The following SHOC2 variants were observed in gnomAD, a reference collection of about 807,000 sequenced individuals.
SHOC2 encodes leucine-rich repeat protein SHOC-2.
Under a neutral mutation model 50.2 loss-of-function variants are expected in SHOC2, and 4 were observed. That is an observed-to-expected ratio of 0.08 (90% confidence interval 0.04 to 0.18). The LOEUF is 0.18. Among genes scored for constraint, SHOC2 ranks in the 10% least tolerant of loss-of-function variants. The pLI, the probability that SHOC2 is intolerant of heterozygous loss-of-function variation, is 1.00. For missense variants in SHOC2, 388 were observed against 669.6 expected, an observed-to-expected ratio of 0.58 and a Z score of 4.64; for synonymous variants, 218 against 244.5, an observed-to-expected ratio of 0.89 and a Z score of 1.01.
chr10:110,981,876 T>TATTAATTTATTATACTC, intron 2 of SHOC2, among the ~76,000 whole-genome samples: 1 of 135,476 alleles, frequency 7.4e-6, no homozygotes, highest in East Asian at 2.1e-4. Flanking sequence ...ATTTATTTTT[T>TATTAATTTATTATACTC]TAAGTTTTAG....
intron 2 of SHOC2, among the ~76,000 whole-genome samples, chr10:110,978,166 T>C (rs527468195): frequency 6.6e-6 from 1 of 152,360 alleles, no homozygotes; most frequent in African/African-American, 2.4e-5. Flanking sequence ...ATGGGACTTC[T>C]GTTGTTTTCC....
chr10:110,928,091 T>A (rs1270990094), intron 1 of SHOC2, among the ~76,000 whole-genome samples: 1 of 151,862 alleles, frequency 6.6e-6, no homozygotes, highest in Non-Finnish European at 1.5e-5. Context: ...CCGAGGCGGG[T>A]GGGTCACCTG....
chr10:110,930,319 A>G (rs1846866044), intron 1 of SHOC2, among the ~76,000 whole-genome samples: 1 of 152,120 alleles, frequency 6.6e-6, no homozygotes, highest in Admixed American at 6.5e-5. Flanking sequence ...ACACACTCCT[A>G]GTCTTGTTAT....
chr10:110,935,824 G>A (rs559989144), intron 1 of SHOC2, among the ~76,000 whole-genome samples: 7 of 152,056 alleles, frequency 4.6e-5, no homozygotes, highest in East Asian at 1.9e-4. Flanking sequence ...ACTCTCTCAC[G>A]TTTTGTTGGT....
intron 4 of SHOC2, among the ~76,000 whole-genome samples, chr10:111,003,486 A>C (rs959915354): frequency 6.6e-6 from 1 of 152,202 alleles, no homozygotes; most frequent in Non-Finnish European, 1.5e-5. Context: ...CTTACTTCCT[A>C]CTAGGTATTG....
intron 2 of SHOC2, among the ~76,000 whole-genome samples, chr10:110,977,249 A>G (rs796663282): frequency 1.1e-4 from 17 of 151,868 alleles, no homozygotes; most frequent in African/African-American, 3.9e-4. Flanking sequence ...GCTTCTTTGC[A>G]TGTCTGGTAA....
At chr10:110,942,172 A>G (rs1454172968) in intron 1 of SHOC2, among the ~76,000 whole-genome samples, 4 of 152,174 alleles carry the variant, frequency 2.6e-5, no homozygotes, top group Non-Finnish European at 4.4e-5. Context: ...ATGTTGACAC[A>G]TTTTATCATA....
chr10:110,968,612 A>G lies in SHOC2; in HGVS notation c.703+3551A>G, dbSNP rs961798519. ...TAAATATATCACTTTAAATCATGCC[A>G]TCCAGTTTTTATTCAGCAGTATATT... On this transcript the variant is annotated intron_variant, in intron 2 of 8. Transcript: ENST00000369452. Among the ~76,000 whole-genome samples the G allele has an allele frequency of 2.0e-5, 3 of 151,748 alleles. No individual in the cohort carries two copies. In the East Asian group the frequency reaches 5.8e-4, roughly 29 times the overall value.
rs377667794 is a variant in SHOC2 at position 111,006,461 on chromosome 10, C to T, written c.1162-1070C>T. On this transcript the variant is annotated intron_variant, in intron 5 of 8. Transcript: ENST00000369452. ...TCTCGGCTCACTGCAAGCTCCGCCT[C>T]CCGGGTTCACGCCATTCTCCTGCCT... Among the ~76,000 whole-genome samples, 481 of 151,988 alleles carry T rather than the reference C, an allele frequency of 3.2e-3. 25 individuals carry two copies. The South Asian group carries it at 0.092, about 29-fold the overall frequency.
intron 2 of SHOC2, among the ~76,000 whole-genome samples, chr10:110,973,569 A>C (rs1847822087): frequency 6.6e-6 from 1 of 152,064 alleles, no homozygotes; most frequent in Non-Finnish European, 1.5e-5. Flanking sequence ...GAGTTGAGAC[A>C]TGTTTCTTCC....
At chr10:110,936,855 C>T (rs1227583526) in intron 1 of SHOC2, 7 of 1,355,992 alleles carry the variant, frequency 5.2e-6, no homozygotes, top group African/African-American at 2.9e-5. Flanking sequence ...TTCAGACGCA[C>T]AACCTTGAGG....
At chr10:110,994,073 A>T (rs1340648989) in intron 3 of SHOC2, among the ~76,000 whole-genome samples, 4 of 152,114 alleles carry the variant, frequency 2.6e-5, no homozygotes, top group Non-Finnish European at 5.9e-5. Context: ...GAAAGCAGTG[A>T]TGTAAAGGAG....
intron 2 of SHOC2, 140 bp from the exon 3 acceptor site, chr10:110,985,488 A>T: frequency 1.7e-6 from 1 of 572,380 alleles, no homozygotes; most frequent in South Asian, 2.8e-5. Context: ...AAAATTTTAA[A>T]ATAAAAGTTG....
At chr10:110,941,027 G>A (rs973569120) in intron 1 of SHOC2, among the ~76,000 whole-genome samples, 3 of 145,834 alleles carry the variant, frequency 2.1e-5, no homozygotes, top group Admixed American at 7.0e-5. Context: ...CATGTCCTGC[G>A]CTCAAGCAGT....
At chr10:110,990,348 C>T (rs1273371640) in intron 3 of SHOC2, among the ~76,000 whole-genome samples, 1 of 150,366 alleles carries the variant, frequency 6.7e-6, no homozygotes, top group African/African-American at 2.5e-5. Flanking sequence ...TATCTAGGTG[C>T]TCTGGTGGGG....
chr10:110,942,428 G>T (rs1847165583), intron 1 of SHOC2, among the ~76,000 whole-genome samples: 1 of 152,070 alleles, frequency 6.6e-6, no homozygotes, highest in Admixed American at 6.5e-5. Context: ...GCTCACTACA[G>T]CCTCTAACTC....
chr10:110,934,552 C>T (rs886950528), intron 1 of SHOC2, among the ~76,000 whole-genome samples: 3 of 152,160 alleles, frequency 2.0e-5, no homozygotes, highest in Admixed American at 1.3e-4. Context: ...TATTGATGTA[C>T]ATTAGGTTAT....
chr10:110,928,183 G>C (rs1453648362), intron 1 of SHOC2, among the ~76,000 whole-genome samples: 2 of 151,964 alleles, frequency 1.3e-5, no homozygotes, highest in Admixed American at 6.6e-5. Context: ...TGGGTGCAGT[G>C]ACGCATGCCT....
At chr10:110,985,010 A>G (rs1384711337) in intron 2 of SHOC2, among the ~76,000 whole-genome samples, 1 of 152,168 alleles carries the variant, frequency 6.6e-6, no homozygotes, top group Non-Finnish European at 1.5e-5. Flanking sequence ...CATGAGAGGA[A>G]AAAGAAGATA....
Sources: allele counts gnomAD v4.1 joint callset (sites outside exome capture counted in the v4.1 genomes callset), GRCh38; gene constraint gnomAD v4.1.1; transcripts MANE v1.5; gene names NCBI Gene and HGNC (gene_info 2026-07-23, HGNC 2026-07-21).